Variants in PALLD observed in about 807,000 individuals in gnomAD.
PALLD encodes the protein palladin, cytoskeletal associated protein, also known as palladin.
PALLD carries 61 observed loss-of-function variants against 123.5 expected under a neutral mutation model. The ratio of observed to expected loss-of-function variants is 0.49; its 90% confidence interval spans 0.40 to 0.61. PALLD has a LOEUF of 0.61. Among genes scored for constraint, PALLD ranks in the 20% least tolerant of loss-of-function variants. The pLI is 0.00. For missense variants in PALLD, 1,273 were observed against 1,377.0 expected (o/e 0.92, Z 1.20); for synonymous variants, 465 against 496.4 (o/e 0.94, Z 0.84).
At chr4:168,810,152 A>G (rs1228845805) in intron 10 of PALLD, among the ~76,000 whole-genome samples, 5 of 152,082 alleles carry the variant, frequency 3.3e-5, no homozygotes, top group Non-Finnish European at 7.4e-5. Context: ...AGATCGTAAG[A>G]GGTTGAGAGG....
At chr4:168,536,104 T>C (rs1765062362) in intron 2 of PALLD, among the ~76,000 whole-genome samples, 1 of 152,228 alleles carries the variant, frequency 6.6e-6, no homozygotes, top group Non-Finnish European at 1.5e-5. Context: ...TCTGTTCCCC[T>C]TTGTTCAAGT....
At position 168,759,609 on chromosome 4, in the gene PALLD, G is replaced by A. The variant is rs534449993; in HGVS notation, c.1964+47686G>A. On this transcript the variant is annotated intron_variant, in intron 10 of 21. Coordinates refer to ENST00000505667, the MANE Select transcript of PALLD (RefSeq NM_001166108.2). ...ACCTGTGAGAAGAAGAAAACCACAG[G>A]GAAATAAGACTTTGAGTTTGGAGAA... 4.6e-5 allele frequency among the ~76,000 whole-genome samples: 7 copies of A among 152,010 alleles called. No individual in the cohort carries two copies. In the Middle Eastern group the frequency reaches 0.014, roughly 295 times the overall value.
intron 2 of PALLD, among the ~76,000 whole-genome samples, chr4:168,527,422 CAA>C (rs35555541): frequency 1.5e-4 from 8 of 52,912 alleles, no homozygotes; most frequent in African/African-American, 6.8e-4. Flanking sequence ...AACTCCATCT[CAA>C]AAAAAAAAAA....
chr4:168,669,119 A>G (rs968710962), intron 3 of PALLD, among the ~76,000 whole-genome samples: 1 of 152,244 alleles, frequency 6.6e-6, no homozygotes, highest in African/African-American at 2.4e-5. Flanking sequence ...TTTCAAAATA[A>G]TGGTTAAAAT....
intron 2 of PALLD, among the ~76,000 whole-genome samples, chr4:168,644,114 A>C (rs1196732822): frequency 1.4e-5 from 2 of 144,944 alleles, no homozygotes; most frequent in African/African-American, 2.6e-5. Context: ...TTTTAATGGA[A>C]TCTCACTCTT....
intron 3 of PALLD, among the ~76,000 whole-genome samples, chr4:168,670,999 C>G (rs1466688838): frequency 2.1e-5 from 3 of 140,852 alleles, no homozygotes; most frequent in African/African-American, 8.1e-5. Flanking sequence ...GCCTGGGCAA[C>G]AGAGCGAGGC....
At chr4:168,532,805 TGAAA>T (rs1414733358) in intron 2 of PALLD, among the ~76,000 whole-genome samples, 2 of 151,970 alleles carry the variant, frequency 1.3e-5, no homozygotes, top group African/African-American at 2.4e-5. Flanking sequence ...TCACAGATAA[TGAAA>T]GAAAGGGAAA....
At chr4:168,763,066 A>G (rs1469324440) in intron 10 of PALLD, among the ~76,000 whole-genome samples, 2 of 152,192 alleles carry the variant, frequency 1.3e-5, no homozygotes, top group Admixed American at 1.3e-4. Flanking sequence ...AGAAATACCT[A>G]ATGTAGATAA....
At chr4:168,688,186 T>A (rs1261014304) in intron 6 of PALLD, among the ~76,000 whole-genome samples, 2 of 152,240 alleles carry the variant, frequency 1.3e-5, no homozygotes, top group African/African-American at 4.8e-5. Flanking sequence ...TAGCCTTTAC[T>A]TTGTCACTCA....
At chr4:168,661,556 A>G (rs1779138726) in intron 2 of PALLD, among the ~76,000 whole-genome samples, 1 of 152,198 alleles carries the variant, frequency 6.6e-6, no homozygotes, top group South Asian at 2.1e-4. Flanking sequence ...CAACTGGTTT[A>G]TTCTTATATT....
At position 168,707,846 on chromosome 4, in the gene PALLD, G is replaced by A. The variant is rs1014285155; in HGVS notation, c.1502-1182G>A. Among the ~76,000 whole-genome samples, 5 of 152,092 alleles carry A rather than the reference G, an allele frequency of 3.3e-5. No homozygotes were observed. The South Asian group carries it at 8.3e-4, about 25-fold the overall frequency. ...CCCGAAATATATCACTTTTCTTAAC[G>A]TTTGCCCACATAATTATCTTTATAC... On this transcript the variant is annotated intron_variant, in intron 8 of 21. Coordinates refer to ENST00000505667, the MANE Select transcript of PALLD (RefSeq NM_001166108.2).
chr4:168,759,004 G>C (rs545888815), intron 10 of PALLD, among the ~76,000 whole-genome samples: 1 of 150,480 alleles, frequency 6.6e-6, no homozygotes, highest in South Asian at 2.1e-4. Context: ...GTGAAACCCC[G>C]TCTCTACTAA....
At chr4:168,682,934 AAAAAAAAC>A (rs1282869081) in intron 4 of PALLD, 56 bp from the exon 5 acceptor site, 2 of 985,712 alleles carry the variant, frequency 2.0e-6, no homozygotes, top group African/African-American at 3.3e-5. Context: ...TCTGCTAAAA[AAAAAAAAC>A]AAAAAAACGA....
At chr4:168,795,940 G>A (rs1443189858) in intron 10 of PALLD, among the ~76,000 whole-genome samples, 1 of 151,892 alleles carries the variant, frequency 6.6e-6, no homozygotes, top group Non-Finnish European at 1.5e-5. Flanking sequence ...TATATTTATA[G>A]GGTATATGAG....
At chr4:168,544,682 T>G (rs1765970135) in intron 2 of PALLD, among the ~76,000 whole-genome samples, 1 of 152,252 alleles carries the variant, frequency 6.6e-6, no homozygotes, top group Non-Finnish European at 1.5e-5. Flanking sequence ...TATCAGCATT[T>G]GTAGAAAATT....
chr4:168,709,274 C>T (rs1784497239), intron 9 of PALLD, 127 bp downstream of exon 9: 2 of 923,082 alleles, frequency 2.2e-6, no homozygotes, highest in South Asian at 2.7e-5. Context: ...CTTTGGGAGG[C>T]CGAGGCAGGC....
At chr4:168,768,092 G>A (rs182777593) in intron 10 of PALLD, among the ~76,000 whole-genome samples, 101 of 152,040 alleles carry the variant, frequency 6.6e-4, no homozygotes, top group Admixed American at 2.8e-3. Context: ...TACCTCTTCC[G>A]TGAAGTTTAC....
intron 2 of PALLD, among the ~76,000 whole-genome samples, chr4:168,637,765 G>A (rs544654738): frequency 3.3e-5 from 5 of 152,140 alleles, no homozygotes; most frequent in East Asian, 1.9e-4. Flanking sequence ...CCAGCATGGC[G>A]AAACCCCATC....
intron 10 of PALLD, among the ~76,000 whole-genome samples, chr4:168,754,236 A>C (rs1731458856): frequency 6.6e-6 from 1 of 152,244 alleles, no homozygotes. Context: ...TCATCTCCTG[A>C]TAACTTTTTT....
Sources: gnomAD v4.1 joint callset for allele counts (sites outside exome capture counted in the v4.1 genomes callset) on GRCh38, gnomAD v4.1.1 for gene constraint, MANE v1.5 for transcripts, NCBI Gene and HGNC (gene_info 2026-07-23, HGNC 2026-07-21) for gene names.